Variants in SP100 observed in about 807,000 individuals in gnomAD.
SP100 encodes nuclear autoantigen Sp-100.
In SP100, 84 loss-of-function variants were observed where a neutral mutation model predicts 130.0. That is an observed-to-expected ratio of 0.65 (90% CI 0.54 to 0.77). SP100 has a LOEUF of 0.77. Among genes scored for constraint, SP100 ranks in the 30% least tolerant of loss-of-function variants. The pLI is 0.00. For synonymous variants in SP100, 331 were observed against 351.7 expected (o/e 0.94, Z 0.66); for missense variants, 978 against 1,052.2 (o/e 0.93, Z 0.97).
At position 230,506,012 on chromosome 2, in the gene SP100, G is replaced by C. The variant is rs570891082; in HGVS notation, c.1871-291G>C. On this transcript the variant is annotated intron_variant, in intron 21 of 28. Coordinates refer to ENST00000340126, the MANE Select transcript of SP100 (RefSeq NM_001080391.2). ...TGCTCATTCTTTAGGGCCATTCTTT[G>C]CACCCACCCCCACCTTTGGAATATA... Among the ~76,000 whole-genome samples, 44 of 152,256 alleles carry C rather than the reference G, an allele frequency of 2.9e-4. 1 individual carries two copies. The South Asian group carries it at 8.9e-3, about 31-fold the overall frequency.
chr2:230,422,525 C>A (rs182707543), intron 2 of SP100, among the ~76,000 whole-genome samples: 1 of 152,342 alleles, frequency 6.6e-6, no homozygotes, highest in East Asian at 1.9e-4. Flanking sequence ...CACTGGCTTA[C>A]TCCTTGTCAG....
intron 2 of SP100, among the ~76,000 whole-genome samples, chr2:230,419,782 C>T (rs898167388): frequency 3.9e-5 from 6 of 152,132 alleles, no homozygotes; most frequent in Non-Finnish European, 7.3e-5. Context: ...GTACTATCTG[C>T]GGTTTCAAGC....
intron 2 of SP100, chr2:230,440,485 G>A (rs1274403699): frequency 8.2e-7 from 1 of 1,220,696 alleles, no homozygotes; most frequent in African/African-American, 1.6e-5. Context: ...GGTTTTTGGA[G>A]AGGAATAAAT....
chr2:230,455,958 CT>C (rs2064255020), intron 8 of SP100, among the ~76,000 whole-genome samples: 1 of 152,160 alleles, frequency 6.6e-6, no homozygotes, highest in African/African-American at 2.4e-5. Context: ...AGTGTATACT[CT>C]AAAAAATTAT....
At chr2:230,495,103 C>T (rs1005662858) in intron 18 of SP100, among the ~76,000 whole-genome samples, 1 of 152,178 alleles carries the variant, frequency 6.6e-6, no homozygotes, top group African/African-American at 2.4e-5. Flanking sequence ...AGGACAGGAG[C>T]TGGAAGCTGA....
At chr2:230,470,185 T>C in intron 15 of SP100, 87 bp downstream of exon 15, 1 of 1,521,140 alleles carries the variant, frequency 6.6e-7, no homozygotes, top group South Asian at 1.3e-5. Context: ...CTTTTTATTC[T>C]GAGCACCTTC....
At chr2:230,470,176 T>G in intron 15 of SP100, 78 bp downstream of exon 15, 4 of 1,530,440 alleles carry the variant, frequency 2.6e-6, no homozygotes, top group South Asian at 1.2e-5. Context: ...TTCCAGACGC[T>G]TTTTATTCTG....
intron 24 of SP100, among the ~76,000 whole-genome samples, chr2:230,530,510 A>T (rs1034576827): frequency 1.3e-5 from 2 of 152,254 alleles, no homozygotes; most frequent in African/African-American, 4.8e-5. Flanking sequence ...CATTCAGGAT[A>T]TAGGCATGGG....
chr2:230,532,185 T>C (rs903210696), intron 24 of SP100, among the ~76,000 whole-genome samples: 6 of 151,908 alleles, frequency 3.9e-5, no homozygotes, highest in Non-Finnish European at 7.4e-5. Context: ...CTTCTAACGA[T>C]CTAGAGAGCT....
At chr2:230,452,379 G>A (rs1179753189) in intron 8 of SP100, among the ~76,000 whole-genome samples, 3 of 152,060 alleles carry the variant, frequency 2.0e-5, no homozygotes, top group Non-Finnish European at 2.9e-5. Context: ...GTTTCACCAT[G>A]TTGGTCGGGC....
chr2:230,539,588 T>C (rs1692084065), intron 25 of SP100, among the ~76,000 whole-genome samples: 2 of 152,182 alleles, frequency 1.3e-5, no homozygotes, highest in African/African-American at 4.8e-5. Context: ...AAGCAAAAAC[T>C]CTTCAAGTGG....
At position 230,477,857 on chromosome 2, in the gene SP100, C is replaced by G. The variant is rs542176327; in HGVS notation, c.1600+3410C>G. Among the ~76,000 whole-genome samples, 3 of 151,524 alleles carry G rather than the reference C, an allele frequency of 2.0e-5. No homozygotes were observed. The South Asian group carries it at 6.3e-4, about 32-fold the overall frequency. ...GGCTGAGGCAGGAGTATTGCTTGAA[C>G]CCGGGAGGCAGAGGTTGCAGTGAGC... On this transcript the variant is annotated intron_variant, in intron 17 of 28. Transcript: ENST00000340126.
At chr2:230,517,233 G>C (rs1053376499) in intron 24 of SP100, among the ~76,000 whole-genome samples, 9 of 152,090 alleles carry the variant, frequency 5.9e-5, no homozygotes, top group Admixed American at 2.0e-4. Context: ...AACAATTTAG[G>C]ATGTTGATCT....
intron 24 of SP100, among the ~76,000 whole-genome samples, chr2:230,525,269 A>G (rs775397818): frequency 5.9e-5 from 9 of 152,186 alleles, no homozygotes; most frequent in Admixed American, 1.3e-4. Flanking sequence ...CTGTGTGTCT[A>G]TCTTCATGAG....
chr2:230,458,389 G>A (rs891289217), intron 8 of SP100, among the ~76,000 whole-genome samples: 2 of 152,208 alleles, frequency 1.3e-5, no homozygotes, highest in Non-Finnish European at 2.9e-5. Flanking sequence ...AGTAGTTTGA[G>A]AAGGAGGAAG....
In SP100 at chr2:230,467,114, C is replaced by G; in HGVS notation, c.1196-6C>G. 6.2e-7 allele frequency: 1 copy of G among 1,607,190 alleles called. No homozygotes were observed. The highest frequency in any genetic ancestry group is 1.7e-4 in the Middle Eastern group (1 of 6,050). On this transcript the variant is annotated splice_region_variant and splice_polypyrimidine_tract_variant and intron_variant, in intron 12 of 28. Coordinates refer to ENST00000340126, the MANE Select transcript of SP100 (RefSeq NM_001080391.2). ...AGCTCCAAAGGACATTTGCTCCTTT[C>G]TGCAGTGATAGGACAAGACCACGAC... is the stretch of plus-strand genomic sequence containing the variant.
At chr2:230,506,578 T>C in intron 22 of SP100, 133 bp downstream of exon 22, 2 of 812,420 alleles carry the variant, frequency 2.5e-6, no homozygotes, top group East Asian at 2.7e-5. Context: ...GCATATGTTA[T>C]TACTAACGTT....
intron 8 of SP100, among the ~76,000 whole-genome samples, chr2:230,460,123 A>G (rs1013968555): frequency 6.6e-6 from 1 of 152,240 alleles, no homozygotes; most frequent in Non-Finnish European, 1.5e-5. Context: ...TACATACCCT[A>G]TAACCCAACA....
chr2:230,511,215 C>G, intron 24 of SP100, 49 bp downstream of exon 24: 1 of 1,235,510 alleles, frequency 8.1e-7, no homozygotes, highest in Non-Finnish European at 1.2e-6. Context: ...AGGCCTTTCT[C>G]CAGGCACACT....
Sources: gnomAD v4.1 joint callset for allele counts (sites outside exome capture counted in the v4.1 genomes callset) on GRCh38, gnomAD v4.1.1 for gene constraint, MANE v1.5 for transcripts, NCBI Gene and HGNC (gene_info 2026-07-23, HGNC 2026-07-21) for gene names.